Variants in COLQ observed in about 807,000 individuals in gnomAD.
COLQ encodes collagen like tail subunit of asymmetric acetylcholinesterase, also known as acetylcholinesterase collagenic tail peptide.
Under a neutral mutation model 69.0 loss-of-function variants are expected in COLQ, and 48 were observed. The ratio of observed to expected loss-of-function variants is 0.70; its 90% CI spans 0.55 to 0.88. The LOEUF (loss-of-function observed/expected upper bound fraction) is 0.88. COLQ is among the 40% of genes least tolerant of loss of function. The pLI, the probability that COLQ is intolerant of heterozygous loss-of-function variation, is 0.00. For missense variants in COLQ, 618 were observed against 594.6 expected, an observed-to-expected ratio of 1.04 and a Z score of -0.41; for synonymous variants, 217 against 211.2, an observed-to-expected ratio of 1.03 and a Z score of -0.24.
At chr3:15,477,822 T>C (rs1391616498) in intron 5 of COLQ, among the ~76,000 whole-genome samples, 1 of 152,190 alleles carries the variant, frequency 6.6e-6, no homozygotes, top group African/African-American at 2.4e-5. Context: ...ACCACACCTT[T>C]GCCTGGCTTC....
chr3:15,504,948 G>A (rs544488471), intron 1 of COLQ, among the ~76,000 whole-genome samples: 1 of 152,332 alleles, frequency 6.6e-6, no homozygotes, highest in South Asian at 2.1e-4. Context: ...GAATTTGGGG[G>A]AGACACAATT....
rs533470290 is a variant in COLQ, at chr3:15,518,572, C to A, written c.106+2948G>T. On this transcript the variant is annotated intron_variant, in intron 1 of 16. Transcript: ENST00000383788. Reference sequence around the variant, plus strand: ...TTCCTGGTTCTCCTCTGGGACCCAGCAGAGGAGGTTGCCAGGTAATGAACC... The same window carrying A: ...TTCCTGGTTCTCCTCTGGGACCCAGAAGAGGAGGTTGCCAGGTAATGAACC... 4.6e-5 allele frequency among the ~76,000 whole-genome samples: 7 copies of A among 152,352 alleles called. No individual in the cohort carries two copies. In the South Asian group the frequency reaches 1.4e-3, roughly 32 times the overall value.
intron 7 of COLQ, 122 bp downstream of exon 7, chr3:15,475,303 C>T (rs2062360653): frequency 1.0e-6 from 1 of 1,000,564 alleles, no homozygotes; most frequent in East Asian, 2.6e-5. Context: ...GGCAGGCTCT[C>T]CAATATCCGC....
At chr3:15,504,607 C>T (rs773700208) in intron 1 of COLQ, among the ~76,000 whole-genome samples, 5 of 152,128 alleles carry the variant, frequency 3.3e-5, no homozygotes, top group Admixed American at 6.5e-5. Flanking sequence ...GCCTATAATC[C>T]CAGCGCTTTG....
intron 3 of COLQ, among the ~76,000 whole-genome samples, chr3:15,480,352 C>T (rs1403424120): frequency 1.3e-5 from 2 of 151,564 alleles, no homozygotes; most frequent in Non-Finnish European, 2.9e-5. Context: ...CCACGACAGG[C>T]CCTGGTATGT....
Position 15,456,827 on chromosome 3 carries a change from TTTCTTTTG to T in COLQ, c.955-256_955-249del, listed in dbSNP as rs141471889. Among the ~76,000 whole-genome samples, 62,182 of 150,618 alleles carry T rather than the reference TTTCTTTTG, an allele frequency of 0.41. 13,182 individuals carry two copies. The highest frequency in any genetic ancestry group is 0.61 in the East Asian group (3,092 of 5,078). The stretch of plus-strand genomic sequence containing the variant: ...CTCGGATTTAACTTTTTTTTCTTTT[TTTCTTTTG>T]TTTTTGAGATGGAGTCTCACGCGGT... On this transcript the variant is annotated intron_variant, in intron 13 of 16. Coordinates refer to ENST00000383788, the MANE Select transcript of COLQ (RefSeq NM_005677.4).
chr3:15,480,244 C>T (rs2062455277), intron 3 of COLQ, among the ~76,000 whole-genome samples: 1 of 152,200 alleles, frequency 6.6e-6, no homozygotes, highest in Non-Finnish European at 1.5e-5. Context: ...AGATTTGTTA[C>T]ATATGTATAC....
rs187518531 is a variant in COLQ at position 15,478,434 on chromosome 3, C to G, written c.393+543G>C. On this transcript the variant is annotated intron_variant, in intron 5 of 16. Coordinates refer to ENST00000383788, the MANE Select transcript of COLQ (RefSeq NM_005677.4). ...GAAATTCAGTGCCAGTATCCACTGA[C>G]CTCAGCAAATATAATAGGCAGCTGA... Among the ~76,000 whole-genome samples the G allele has an allele frequency of 2.6e-4, 40 of 152,310 alleles. No homozygotes were observed. The East Asian group carries it at 5.8e-3, about 22-fold the overall frequency.
chr3:15,480,701 A>G (rs1391920355), intron 3 of COLQ, among the ~76,000 whole-genome samples: 2 of 152,202 alleles, frequency 1.3e-5, no homozygotes, highest in Admixed American at 6.5e-5. Context: ...ATACCCAGTA[A>G]TGGGATGGCT....
At chr3:15,497,033 T>C (rs2062755447) in intron 1 of COLQ, among the ~76,000 whole-genome samples, 1 of 145,864 alleles carries the variant, frequency 6.9e-6, no homozygotes. Flanking sequence ...AAAGTCCTTT[T>C]GCCTTTTTTT....
Position 15,475,097 on chromosome 3 carries a change from A to G in COLQ, c.529-146T>C, listed in dbSNP as rs575444060. 2.0e-4 allele frequency: 174 copies of G among 874,438 alleles called. 1 individual carries two copies. The highest frequency in any genetic ancestry group is 1.7e-3 in the South Asian group (124 of 72,674). The allele number at this position is 874,438 out of a possible 1,614,324, so 54.2% of individuals were successfully genotyped here. ...TTAGTGGGGTTGCAGCACCAAACAC[A>G]AAGATGTCCCAGAGGGTTGTGGTTA... On this transcript the variant is annotated intron_variant, in intron 7 of 16. Coordinates refer to ENST00000383788, the MANE Select transcript of COLQ (RefSeq NM_005677.4).
At chr3:15,510,180 A>T (rs980180907) in intron 1 of COLQ, among the ~76,000 whole-genome samples, 1 of 152,088 alleles carries the variant, frequency 6.6e-6, no homozygotes, top group Non-Finnish European at 1.5e-5. Flanking sequence ...TGTCTAAAAA[A>T]AAAAAAAGCA....
intron 1 of COLQ, 35 bp downstream of exon 1, chr3:15,521,485 A>G (rs766450372): frequency 6.2e-7 from 1 of 1,613,364 alleles, no homozygotes; most frequent in Non-Finnish European, 8.5e-7. Context: ...GTCCCCTGAC[A>G]GATGGAAGAG....
chr3:15,507,789 T>C (rs1285695778), intron 1 of COLQ, among the ~76,000 whole-genome samples: 1 of 152,224 alleles, frequency 6.6e-6, no homozygotes, highest in Admixed American at 6.5e-5. Context: ...TCTCATATAG[T>C]AAATGAGACT....
At chr3:15,475,870 C>A (rs1458408401) in intron 6 of COLQ, among the ~76,000 whole-genome samples, 2 of 152,124 alleles carry the variant, frequency 1.3e-5, no homozygotes, top group East Asian at 3.8e-4. Flanking sequence ...GCCTGCTTTG[C>A]TCTTTGCATA....
intron 15 of COLQ, among the ~76,000 whole-genome samples, chr3:15,454,627 G>A (rs1185142193): frequency 1.4e-5 from 2 of 147,154 alleles, no homozygotes; most frequent in South Asian, 2.2e-4. Flanking sequence ...CACCCACTCT[G>A]CCCTGTCATC....
chr3:15,488,271 G>C lies in COLQ; in HGVS notation c.256C>G (p.Leu86Val), dbSNP rs2062609294. The C allele has an allele frequency of 6.2e-7, 1 of 1,613,698 alleles. No individual in the cohort carries two copies. Among genetic ancestry groups the C allele is most frequent in the Non-Finnish European group, 8.5e-7 (1 of 1,180,000 alleles). ...SPDMKNLMLE[L>V]ETSQSPCMQG... ...ATGCACGGGGACTGCGAGGTCTCCA[G>C]TTCCAGCATGAGATTCTTCATGTCT... The change falls in exon 3 of 17, where the codon CTG (leucine) becomes GTG (valine). Residue 86 changes from leucine to valine, a missense_variant. Coordinates refer to ENST00000383788, the MANE Select transcript of COLQ (RefSeq NM_005677.4).
intron 1 of COLQ, among the ~76,000 whole-genome samples, chr3:15,518,659 G>A (rs910633751): frequency 3.3e-5 from 5 of 152,218 alleles, no homozygotes; most frequent in African/African-American, 1.2e-4. Flanking sequence ...TGAAGACAGT[G>A]AAGGAGTGGA....
At chr3:15,484,781 T>A (rs2062547980) in intron 3 of COLQ, among the ~76,000 whole-genome samples, 1 of 152,200 alleles carries the variant, frequency 6.6e-6, no homozygotes, top group African/African-American at 2.4e-5. Context: ...TCATTTAAGG[T>A]CTTCTCTACA....
Sources: allele counts gnomAD v4.1 joint callset (sites outside exome capture counted in the v4.1 genomes callset), GRCh38; gene constraint gnomAD v4.1.1; transcripts MANE v1.5; gene names NCBI Gene and HGNC (gene_info 2026-07-23, HGNC 2026-07-21).